The following NRG1 variants were observed in gnomAD, a reference collection of about 807,000 sequenced individuals.
NRG1 encodes neuregulin 1, also known as pro-neuregulin-1, membrane-bound isoform.
In NRG1, 18 loss-of-function variants were observed where a neutral mutation model predicts 63.8. The ratio of observed to expected loss-of-function variants is 0.28; its 90% CI spans 0.19 to 0.42. The LOEUF (loss-of-function observed/expected upper bound fraction) is 0.42. Ranked by LOEUF, NRG1 falls within the 10% of genes least tolerant of loss-of-function variation. The pLI, the probability that NRG1 is intolerant of heterozygous loss-of-function variation, is 1.00. For missense variants in NRG1, 762 were observed against 814.7 expected, an observed-to-expected ratio of 0.94 and a Z score of 0.79; for synonymous variants, 302 against 301.3, an observed-to-expected ratio of 1.00 and a Z score of -0.02.
intron 1 of NRG1, among the ~76,000 whole-genome samples, chr8:32,108,637 C>A (rs574381326): frequency 6.6e-6 from 1 of 151,820 alleles, no homozygotes; most frequent in Non-Finnish European, 1.5e-5. Context: ...TCTCGGTGGG[C>A]CCCTTGTAAT....
chr8:31,777,052 C>T (rs970394382), intron 1 of NRG1, among the ~76,000 whole-genome samples: 5 of 152,000 alleles, frequency 3.3e-5, no homozygotes, highest in Admixed American at 6.6e-5. Flanking sequence ...TTCACAATAG[C>T]GAAGACTTGG....
intron 1 of NRG1, among the ~76,000 whole-genome samples, chr8:32,172,975 G>A (rs1455822652): frequency 2.6e-5 from 4 of 152,086 alleles, no homozygotes; most frequent in African/African-American, 9.7e-5. Context: ...TTCAAATTCA[G>A]GAAATACAGA....
intron 5 of NRG1, among the ~76,000 whole-genome samples, chr8:32,677,074 CT>C (rs1164638848): frequency 2.6e-5 from 4 of 151,416 alleles, no homozygotes; most frequent in Non-Finnish European, 4.4e-5. Flanking sequence ...TAATGATTGG[CT>C]TTTGTGTTTA....
At chr8:32,748,864 C>T (rs930758301) in intron 7 of NRG1, 33 of 294,164 alleles carry the variant, frequency 1.1e-4, no homozygotes, top group Middle Eastern at 6.6e-4. Context: ...CTCCAGTGTC[C>T]CAAGCCCCTG....
At chr8:32,100,864 G>A (rs1830483145) in intron 1 of NRG1, among the ~76,000 whole-genome samples, 1 of 152,104 alleles carries the variant, frequency 6.6e-6, no homozygotes, top group African/African-American at 2.4e-5. Context: ...AAACTTCAGG[G>A]AATCTGAAAG....
chr8:31,849,442 T>C (rs1827005498), intron 1 of NRG1, among the ~76,000 whole-genome samples: 1 of 152,236 alleles, frequency 6.6e-6, no homozygotes, highest in Admixed American at 6.5e-5. Context: ...AGACAACATA[T>C]ATTAACTTCA....
intron 1 of NRG1, among the ~76,000 whole-genome samples, chr8:32,229,162 C>G (rs566964163): frequency 6.6e-6 from 1 of 152,258 alleles, no homozygotes; most frequent in South Asian, 2.1e-4. Context: ...CTGTTGGCAG[C>G]CACGAAGTGA....
intron 1 of NRG1, among the ~76,000 whole-genome samples, chr8:31,813,287 T>C (rs1378827192): frequency 1.3e-5 from 2 of 152,120 alleles, no homozygotes; most frequent in Non-Finnish European, 2.9e-5. Context: ...TGTGGGTACA[T>C]AGTAGGTGTA....
At chr8:32,404,991 T>C (rs2129484910) in intron 1 of NRG1, among the ~76,000 whole-genome samples, 1 of 152,308 alleles carries the variant, frequency 6.6e-6, no homozygotes, top group East Asian at 1.9e-4. Context: ...TCTTTTCACG[T>C]CAGGGGTTGT....
Position 32,687,248 on chromosome 8 carries a change from G to A in NRG1, c.503-40701G>A, listed in dbSNP as rs570061027. ...CCTTCCTCAATAAAGGGGCAAACAA[G>A]GTTGTTCTGGTATCATCTGTGGGAA... On this transcript the variant is annotated intron_variant, in intron 5 of 11. Transcript: ENST00000356819. 2.0e-5 allele frequency among the ~76,000 whole-genome samples: 3 copies of A among 152,274 alleles called. No homozygotes were observed. In the East Asian group the frequency reaches 5.8e-4, roughly 29 times the overall value.
At position 32,329,195 on chromosome 8, in the gene NRG1, G is replaced by A. The variant is rs547487413; in HGVS notation, c.38-266633G>A. ...TGTTGCCCAGGCTGGTCTTGACTTC[G>A]TGGGCTCAAGAGATCCTCCCACTTC... On this transcript the variant is annotated intron_variant, in intron 1 of 10. Transcript: ENST00000519301. Among the ~76,000 whole-genome samples the A allele has an allele frequency of 2.8e-4, 42 of 152,050 alleles. No homozygotes were observed. The South Asian group carries it at 3.5e-3, about 13-fold the overall frequency.
chr8:32,482,239 A>T (rs1825381719), intron 1 of NRG1, among the ~76,000 whole-genome samples: 1 of 152,200 alleles, frequency 6.6e-6, no homozygotes, highest in Non-Finnish European at 1.5e-5. Context: ...ATTTGTTAAA[A>T]TACTGTCACT....
intron 5 of NRG1, among the ~76,000 whole-genome samples, chr8:32,684,232 C>T (rs866308050): frequency 6.6e-6 from 1 of 152,110 alleles, no homozygotes; most frequent in East Asian, 1.9e-4. Context: ...TCAGAAGGTA[C>T]ATTACCATTT....
At chr8:31,722,975 A>G (rs1282202393) in intron 1 of NRG1, among the ~76,000 whole-genome samples, 1 of 152,192 alleles carries the variant, frequency 6.6e-6, no homozygotes, top group Non-Finnish European at 1.5e-5. Flanking sequence ...CAATAGTTAG[A>G]ATCATTTTAA....
At chr8:32,712,393 TA>T (rs1818052730) in intron 5 of NRG1, among the ~76,000 whole-genome samples, 1 of 152,188 alleles carries the variant, frequency 6.6e-6, no homozygotes. Flanking sequence ...TTTCCTTTAG[TA>T]AAAGGAGTTG....
chr8:32,267,709 T>A (rs181164737), intron 1 of NRG1, among the ~76,000 whole-genome samples: 1 of 152,316 alleles, frequency 6.6e-6, no homozygotes, highest in East Asian at 1.9e-4. Flanking sequence ...TTTTTATTTA[T>A]TGGTAATTCA....
intron 1 of NRG1, among the ~76,000 whole-genome samples, chr8:31,924,018 C>T (rs1834131090): frequency 6.6e-6 from 1 of 152,156 alleles, no homozygotes; most frequent in Non-Finnish European, 1.5e-5. Flanking sequence ...AAGATAATGG[C>T]CTCCAGCTCC....
At chr8:32,623,603 G>T (rs145771169) in intron 5 of NRG1, among the ~76,000 whole-genome samples, 67 of 152,262 alleles carry the variant, frequency 4.4e-4, no homozygotes, top group Middle Eastern at 6.8e-3. Context: ...TTTTTGGTTG[G>T]CTGGAGAGTT....
chr8:31,767,847 C>CAAA lies in NRG1; in HGVS notation c.37+128433_37+128435dup, dbSNP rs55792550. ...GGGTGACAAGAGCAAAACTCTTTCTCAAAAAAAAAAAAAAAAAAACTTAAG... is the reference window on the plus strand; with the variant it reads ...GGGTGACAAGAGCAAAACTCTTTCTCAAAAAAAAAAAAAAAAAAAAAACTTAAG... On this transcript the variant is annotated intron_variant, in intron 1 of 10. Coordinates refer to the NRG1 transcript ENST00000519301. Among the ~76,000 whole-genome samples the CAAA allele has an allele frequency of 4.7e-3, 492 of 104,374 alleles. 2 individuals are homozygous for CAAA. The highest frequency in any genetic ancestry group is 0.02 in the Middle Eastern group (4 of 198). The allele number at this position is 104,374 out of a possible 152,430, so 68.5% of individuals were successfully genotyped here. A position where few individuals can be genotyped will look rare whatever the true frequency, so the allele number is the denominator to read the frequency against.
Sources: gnomAD v4.1 joint callset for allele counts (sites outside exome capture counted in the v4.1 genomes callset) on GRCh38, gnomAD v4.1.1 for gene constraint, MANE v1.5 for transcripts, NCBI Gene and HGNC (gene_info 2026-07-23, HGNC 2026-07-21) for gene names.